The following ABAT variants were observed in gnomAD, a reference collection of about 807,000 sequenced individuals.
ABAT encodes 4-aminobutyrate aminotransferase.
In ABAT, 45 loss-of-function variants were observed where a neutral mutation model predicts 64.6. The observed-to-expected ratio is 0.70, with a 90% CI of 0.55 to 0.89. The LOEUF (loss-of-function observed/expected upper bound fraction) is 0.89. Ranked by LOEUF, ABAT falls within the 40% of genes least tolerant of loss-of-function variation. The pLI, the probability that ABAT is intolerant of heterozygous loss-of-function variation, is 0.00. For missense variants in ABAT, 633 were observed against 658.4 expected, an observed-to-expected ratio of 0.96 and a Z score of 0.42; for synonymous variants, 297 against 250.5, an observed-to-expected ratio of 1.19 and a Z score of -1.75.
chr16:8,717,367 A>G (rs577240486), intron 1 of ABAT, among the ~76,000 whole-genome samples: 2 of 152,356 alleles, frequency 1.3e-5, no homozygotes, highest in Non-Finnish European at 2.9e-5. Context: ...AATAAGATAC[A>G]TGAAAAAAAT....
intron 9 of ABAT, among the ~76,000 whole-genome samples, chr16:8,766,990 A>G (rs1189950795): frequency 6.6e-6 from 1 of 152,158 alleles, no homozygotes; most frequent in Non-Finnish European, 1.5e-5. Flanking sequence ...CAAAACAAAA[A>G]AAGTACAAGA....
intron 1 of ABAT, among the ~76,000 whole-genome samples, chr16:8,681,403 C>T (rs2057329736): frequency 6.6e-6 from 1 of 151,472 alleles, no homozygotes; most frequent in Admixed American, 6.6e-5. Flanking sequence ...GGAATACCAC[C>T]AGTTCCTGCC....
chr16:8,679,371 T>C (rs1162908313), intron 1 of ABAT, among the ~76,000 whole-genome samples: 1 of 152,114 alleles, frequency 6.6e-6, no homozygotes, highest in Admixed American at 6.6e-5. Flanking sequence ...GGGAAATTCC[T>C]TCTCTGAGCA....
chr16:8,694,033 ATTTG>A (rs1211579755), intron 1 of ABAT, among the ~76,000 whole-genome samples: 1 of 150,940 alleles, frequency 6.6e-6, no homozygotes, highest in African/African-American at 2.4e-5. Context: ...ATTTTTATTT[ATTTG>A]TTTATTTTTT....
Position 8,719,414 on chromosome 16 carries a change from A to G in ABAT, c.-41-16285A>G, listed in dbSNP as rs74950401. ...AGAACAAAGGCTATCTGTGTCTCAC[A>G]TTCGGAGGCTTGGATGTGAAGCCCT... On this transcript the variant is annotated intron_variant, in intron 1 of 15. Transcript: ENST00000268251. 7.4e-4 allele frequency among the ~76,000 whole-genome samples: 112 copies of G among 152,280 alleles called. 2 individuals are homozygous for G. Among genetic ancestry groups the G allele is most frequent in the African/African-American group, 2.5e-3 (105 of 41,560 alleles).
In ABAT at chr16:8,781,300, C is replaced by G. The variant is rs1404962969; in HGVS notation, c.1382-9C>G. 1.2e-6 allele frequency: 2 copies of G among 1,613,940 alleles called. No individual in the cohort carries two copies. The highest frequency in any genetic ancestry group is 1.7e-6 in the Non-Finnish European group (2 of 1,179,982). The stretch of plus-strand genomic sequence containing the variant: ...ACCACGCTCCTCACCTACCTCCTGC[C>G]TCTTTCAGGTGTGGTGTTGGGTGGC... On this transcript the variant is annotated splice_polypyrimidine_tract_variant and intron_variant, in intron 15 of 15. Transcript: ENST00000268251. This position sits in a 1 kb window ranked among gnomAD's most constrained non-coding sequence, Gnocchi z 4.5.
chr16:8,770,295 A>G (rs1273411), intron 11 of ABAT, among the ~76,000 whole-genome samples: 151,583 of 152,176 alleles, frequency 1, 75,500 homozygotes, highest in Middle Eastern at 1. Flanking sequence ...TTGACACCAC[A>G]CCCGGCTAAT....
intron 1 of ABAT, among the ~76,000 whole-genome samples, chr16:8,696,479 C>T (rs770833586): frequency 9.2e-5 from 14 of 151,940 alleles, no homozygotes; most frequent in Non-Finnish European, 1.8e-4. Flanking sequence ...AAAAATTAGC[C>T]GTGGGTGGTG....
At chr16:8,736,538 G>T (rs550134873) in intron 2 of ABAT, 1 of 152,294 alleles carries the variant, frequency 6.6e-6, no homozygotes, top group Admixed American at 6.5e-5. Flanking sequence ...AGCCATAAGC[G>T]ACTCTGAAAT....
At chr16:8,708,188 T>C (rs946718156) in intron 1 of ABAT, among the ~76,000 whole-genome samples, 1 of 151,858 alleles carries the variant, frequency 6.6e-6, no homozygotes, top group African/African-American at 2.4e-5. Flanking sequence ...GAGAGAGAAT[T>C]TGTTTGGTTT....
rs1249830257 is a variant in ABAT, at chr16:8,737,989, GAGGA to G, written c.70+2182_70+2185del. Reference sequence around the variant, plus strand: ...GGAAGGAAGGAAGGAAGGAAGGAAGGAGGAAAGAAAGAAAGAAAGAAAGAAAGGA... The same window carrying G: ...GGAAGGAAGGAAGGAAGGAAGGAAGGAAGAAAGAAAGAAAGAAAGAAAGGA... On this transcript the variant is annotated intron_variant, in intron 2 of 15. Coordinates refer to ENST00000268251, the MANE Select transcript of ABAT (RefSeq NM_020686.6). 5.3e-3 allele frequency among the ~76,000 whole-genome samples: 89 copies of G among 16,940 alleles called. 17 individuals are homozygous for G. The highest frequency in any genetic ancestry group is 0.013 in the African/African-American group (52 of 3,862). 11.1% of individuals were successfully genotyped at this position (16,940 alleles called of 152,430 possible). A position where few individuals can be genotyped will look rare whatever the true frequency, so the allele number is the denominator to read the frequency against.
At chr16:8,754,708 TTCTTTCTTTCTTTC>T (rs1433046650) in intron 5 of ABAT, among the ~76,000 whole-genome samples, 15 of 113,710 alleles carry the variant, frequency 1.3e-4, no homozygotes, top group African/African-American at 4.4e-4. Flanking sequence ...CTTTCTTTCT[TTCTTTCTTTCTTTC>T]TTTTTTTTTT....
Position 8,776,931 on chromosome 16 carries a change from G to T in ABAT, c.1269+441G>T, listed in dbSNP as rs1010728085. 2.0e-5 allele frequency among the ~76,000 whole-genome samples: 3 copies of T among 151,792 alleles called. No homozygotes were observed. The highest frequency in any genetic ancestry group is 4.4e-5 in the Non-Finnish European group (3 of 67,976). On this transcript the variant is annotated intron_variant, in intron 14 of 15. Transcript: ENST00000268251. This position sits in a 1 kb window ranked among gnomAD's most constrained non-coding sequence, Gnocchi z 4.4. ...TATTTATTTTTTGAGACCAAGTCTT[G>T]CTTTGTACCCAGGCTGGAGTGCAGT...
chr16:8,694,061 G>T (rs993969988), intron 1 of ABAT, among the ~76,000 whole-genome samples: 5 of 151,366 alleles, frequency 3.3e-5, no homozygotes, highest in Middle Eastern at 6.8e-3. Context: ...ACAGAATCTC[G>T]CACTGTCACC....
intron 1 of ABAT, among the ~76,000 whole-genome samples, chr16:8,683,818 C>G (rs2057389665): frequency 6.6e-6 from 1 of 152,006 alleles, no homozygotes; most frequent in Non-Finnish European, 1.5e-5. Context: ...CCAGGCCTCC[C>G]TTTTGATGGC....
chr16:8,770,053 G>A (rs1184231719), intron 11 of ABAT, among the ~76,000 whole-genome samples: 1 of 152,174 alleles, frequency 6.6e-6, no homozygotes, highest in East Asian at 1.9e-4. Context: ...AGCCACATAT[G>A]TAATTATAGC....
chr16:8,705,477 G>A (rs746429624), intron 1 of ABAT: 17 of 152,112 alleles, frequency 1.1e-4, no homozygotes, highest in South Asian at 4.2e-4. Context: ...AGTCTTTACC[G>A]GAAAGCCTGC....
intron 9 of ABAT, 73 bp downstream of exon 9, chr16:8,766,343 G>T: frequency 2.0e-6 from 3 of 1,474,230 alleles, no homozygotes; most frequent in Non-Finnish European, 2.8e-6. Flanking sequence ...TTGCTGGCTG[G>T]CTGGCACTGT....
At chr16:8,757,906 C>CATTT in intron 6 of ABAT, 100 bp downstream of exon 6, 2 of 1,321,718 alleles carry the variant, frequency 1.5e-6, no homozygotes, top group Non-Finnish European at 2.2e-6. Context: ...TTCATTCATT[C>CATTT]ATTCCATAAA....
Sources: gnomAD v4.1 joint callset for allele counts (sites outside exome capture counted in the v4.1 genomes callset) on GRCh38, gnomAD v4.1.1 for gene constraint, Gnocchi (gnomAD v3.1) non-coding constraint, MANE v1.5 for transcripts, NCBI Gene and HGNC (gene_info 2026-07-23, HGNC 2026-07-21) for gene names.